Variants in HELT observed in about 807,000 individuals in gnomAD.
HELT encodes the protein hairy and enhancer of split-related protein HELT.
HELT carries 9 observed loss-of-function variants against 19.5 expected under a neutral mutation model. The ratio of observed to expected loss-of-function variants is 0.46; its 90% CI spans 0.28 to 0.80. HELT has a LOEUF of 0.80. HELT is among the 30% of genes least tolerant of loss of function. The pLI is 0.12. For synonymous variants in HELT, 162 were observed against 148.3 expected (o/e 1.09, Z -0.67); for missense variants, 366 against 326.3 (o/e 1.12, Z -0.94).
At chr4:185,019,288 T>C in intron 1 of HELT, 99 bp from the exon 2 acceptor site, 1 of 1,169,034 alleles carries the variant, frequency 8.6e-7, no homozygotes. Flanking sequence ...CTGAGCAGTG[T>C]GCGCGGCTGG....
At chr4:185,019,098 G>A (rs777896540) in intron 1 of HELT, 143 bp downstream of exon 1, 3 of 1,604,744 alleles carry the variant, frequency 1.9e-6, no homozygotes, top group South Asian at 1.1e-5. Flanking sequence ...GTTTGGGAAG[G>A]GGGTGGGGTA....
At position 185,019,738 on chromosome 4, in the gene HELT, C is replaced by T. The variant is rs773438896; in HGVS notation, c.133-9C>T. On this transcript the variant is annotated splice_polypyrimidine_tract_variant and intron_variant, in intron 2 of 3. Coordinates refer to ENST00000515777, the MANE Select transcript of HELT (RefSeq NM_001300781.2). Reference sequence around the variant, plus strand: ...GGGCCGCTGCGAGGGGCCCTTCCTCCTTTTGCAGAGTTCCGGGAAGCTGGA... The same window carrying T: ...GGGCCGCTGCGAGGGGCCCTTCCTCTTTTTGCAGAGTTCCGGGAAGCTGGA... 2 of 1,613,172 alleles carry T rather than the reference C, an allele frequency of 1.2e-6. No homozygotes were observed. The highest frequency in any genetic ancestry group is 1.7e-6 in the Non-Finnish European group (2 of 1,179,956).
intron 1 of HELT, 185 bp from the exon 2 acceptor site, chr4:185,019,202 C>T: frequency 1.5e-6 from 2 of 1,363,030 alleles, no homozygotes; most frequent in Non-Finnish European, 2.0e-6. Context: ...AAGGGGAGCG[C>T]GCCAGCGCGG....
In HELT at chr4:185,019,257, G is replaced by T. The variant is rs577193094; in HGVS notation, c.28-130G>T. ...ACCTGGCCCGAGCGTGGCGGGCCAG[G>T]AGTCCCTTCCTAGAGCGAATCTGAG... On this transcript the variant is annotated intron_variant, in intron 1 of 3. Coordinates refer to ENST00000515777, the MANE Select transcript of HELT (RefSeq NM_001300781.2). 5.6e-4 allele frequency: 631 copies of T among 1,121,176 alleles called. 1 individual carries two copies. Among genetic ancestry groups the T allele is most frequent in the Non-Finnish European group, 6.6e-4 (522 of 792,662 alleles). The allele number at this position is 1,121,176 out of a possible 1,614,324, so 69.5% of individuals were successfully genotyped here.
Position 185,020,637 on chromosome 4 carries a change from C to G in HELT, c.594C>G (p.Leu198=), listed in dbSNP as rs779419582. ...LPYLPSAPVP[L]ASPAQQHSPF... ...ACCTGCCCAGCGCGCCAGTGCCGCT[C>G]GCTAGCCCAGCGCAGCAGCACAGCC... is the stretch of plus-strand genomic sequence containing the variant. The change falls in exon 4 of 4, where the codon CTC becomes CTG. Residue 198 remains leucine, a synonymous_variant. Transcript: ENST00000515777. The G allele has an allele frequency of 3.7e-6, 6 of 1,603,540 alleles. No homozygotes were observed. The highest frequency in any genetic ancestry group is 1.3e-5 in the African/African-American group (1 of 74,860).
Position 185,020,848 on chromosome 4 carries a change from G to A in HELT, c.*76G>A. On this transcript the variant is annotated 3_prime_UTR_variant, in exon 4 of 4. Coordinates refer to ENST00000515777, the MANE Select transcript of HELT (RefSeq NM_001300781.2). ...ATGCTGTATATATTGTACACATAAT[G>A]TGTAAATATTGTACCCCAAAAATCT... 7.0e-7 allele frequency: 1 copy of A among 1,433,058 alleles called. No individual in the cohort carries two copies. The highest frequency in any genetic ancestry group is 9.1e-7 in the Non-Finnish European group (1 of 1,098,106). The allele number at this position is 1,433,058 out of a possible 1,614,324, so 88.8% of individuals were successfully genotyped here. A position where few individuals can be genotyped will look rare whatever the true frequency, so the allele number is the denominator to read the frequency against.
At position 185,020,562 on chromosome 4, in the gene HELT, C is replaced by A; in HGVS notation, c.519C>A (p.Ala173=). Residue 173 remains alanine, a synonymous_variant, in exon 4 of 4, where the codon GCC becomes GCA. Transcript: ENST00000515777. ...CTGTGTTCCCGCAGGGCTCTGGTGC[C>A]GGGCCTTTCCCCTGGCCGCCTGGCG... The part of the protein sequence containing the change: ...EAAVFPQGSG[A]GPFPWPPGAA... 2.5e-6 allele frequency: 4 copies of A among 1,600,862 alleles called. No individual in the cohort carries two copies. The highest frequency in any genetic ancestry group is 3.4e-6 in the Non-Finnish European group (4 of 1,177,430).
chr4:185,019,324 G>C (rs997705481), intron 1 of HELT, 63 bp from the exon 2 acceptor site: 27 of 1,398,136 alleles, frequency 1.9e-5, no homozygotes, highest in Non-Finnish European at 2.7e-5. Flanking sequence ...CCAGCTGCTA[G>C]AGCCGCGCCT....
intron 2 of HELT, 118 bp from the exon 3 acceptor site, chr4:185,019,629 A>G (rs1338939303): frequency 6.2e-7 from 1 of 1,600,556 alleles, no homozygotes. Context: ...CGCAGGGCGA[A>G]CCTCAGGAGG....
In HELT at chr4:185,020,547, G is replaced by T. The variant is rs1178670752; in HGVS notation, c.504G>T (p.Pro168=). The T allele has an allele frequency of 7.5e-6, 12 of 1,605,228 alleles. No individual in the cohort carries two copies. The highest frequency in any genetic ancestry group is 8.5e-6 in the Non-Finnish European group (10 of 1,178,956). ...GCCCGGGCGAGGCCGCTGTGTTCCC[G>T]CAGGGCTCTGGTGCCGGGCCTTTCC... The part of the protein sequence containing the change: ...GHSPGEAAVF[P]QGSGAGPFPW... Residue 168 remains proline (P), a synonymous_variant, in exon 4 of 4, where the codon CCG becomes CCT. Coordinates refer to ENST00000515777, the MANE Select transcript of HELT (RefSeq NM_001300781.2).
intron 3 of HELT, 48 bp from the exon 4 acceptor site, chr4:185,020,225 A>AG: frequency 6.3e-7 from 1 of 1,582,132 alleles, no homozygotes; most frequent in Non-Finnish European, 8.6e-7. Flanking sequence ...CGCGTGGGGA[A>AG]GGGGCACTCA....
At position 185,020,349 on chromosome 4, in the gene HELT, C is replaced by T; in HGVS notation, c.306C>T (p.Leu102=). ...GCATGAAGAACCTGGTGCATTACCT[C>T]ACCACGGTGGAGCGGATGGAGACCA... ...HECMKNLVHY[L]TTVERMETKD... Residue 102 remains leucine, a synonymous_variant, in exon 4 of 4, where the codon CTC becomes CTT. Transcript: ENST00000515777. The T allele has an allele frequency of 6.2e-7, 1 of 1,614,248 alleles. No homozygotes were observed. The highest frequency in any genetic ancestry group is 8.5e-7 in the Non-Finnish European group (1 of 1,180,050).
Position 185,020,763 on chromosome 4 carries a change from G to A in HELT, c.720G>A (p.Pro240=). ...ACCTGCACACGCCCCAGCACCCCCCGGTGCTCTGACGCCCACTCGCCCGCC... is the reference window on the plus strand; with the variant it reads ...ACCTGCACACGCCCCAGCACCCCCCAGTGCTCTGACGCCCACTCGCCCGCC... ...ALNLHTPQHP[P]VL The change falls in exon 4 of 4, where the codon CCG becomes CCA. Residue 240 remains proline (P), a synonymous_variant. Transcript: ENST00000515777. 1 of 1,526,048 alleles carries A rather than the reference G, an allele frequency of 6.6e-7. No individual in the cohort carries two copies. The allele number at this position is 1,526,048 out of a possible 1,614,324, so 94.5% of individuals were successfully genotyped here. A position where few individuals can be genotyped will look rare whatever the true frequency, so the allele number is the denominator to read the frequency against.
intron 3 of HELT, 30 bp downstream of exon 3, chr4:185,019,873 G>A (rs763166862): frequency 1.9e-6 from 3 of 1,590,902 alleles, no homozygotes; most frequent in South Asian, 1.1e-5. Context: ...TGGGACGCCT[G>A]GGCCAGGCGC....
In HELT at chr4:185,018,810, G is replaced by A. The variant is rs1466136067; in HGVS notation, c.-119G>A. 7.8e-6 allele frequency: 8 copies of A among 1,022,836 alleles called. No individual in the cohort carries two copies. The African/African-American group carries it at 9.7e-5, about 12-fold the overall frequency. The allele number at this position is 1,022,836 out of a possible 1,614,324, so 63.4% of individuals were successfully genotyped here. A position where few individuals can be genotyped will look rare whatever the true frequency, so the allele number is the denominator to read the frequency against. On this transcript the variant is annotated 5_prime_UTR_variant, in exon 1 of 4. Coordinates refer to ENST00000515777, the MANE Select transcript of HELT (RefSeq NM_001300781.2). ...GGAGCCCTAGATGACCGCTTTATAA[G>A]GCAGCCCTCGGAGTTGGGAGGCTGC... is the stretch of plus-strand genomic sequence containing the variant.
chr4:185,019,518 G>A (rs1380218144), intron 2 of HELT, 27 bp downstream of exon 2: 4 of 1,583,764 alleles, frequency 2.5e-6, no homozygotes, highest in Non-Finnish European at 3.4e-6. Context: ...GGAGCCGGGT[G>A]CCAGGCGTTG....
chr4:185,020,646 A>G lies in HELT; in HGVS notation c.603A>G (p.Pro201=). The part of the protein sequence containing the change: ...LPSAPVPLAS[P]AQQHSPFLTP... Reference sequence around the variant, plus strand: ...GCGCGCCAGTGCCGCTCGCTAGCCCAGCGCAGCAGCACAGCCCCTTCCTGA... The same window carrying G: ...GCGCGCCAGTGCCGCTCGCTAGCCCGGCGCAGCAGCACAGCCCCTTCCTGA... The change falls in exon 4 of 4, where the codon CCA becomes CCG. Residue 201 remains proline, a synonymous_variant. Coordinates refer to ENST00000515777, the MANE Select transcript of HELT (RefSeq NM_001300781.2). 9 of 1,604,048 alleles carry G rather than the reference A, an allele frequency of 5.6e-6. No homozygotes were observed. Among genetic ancestry groups the G allele is most frequent in the Non-Finnish European group, 7.6e-6 (9 of 1,179,248 alleles).
Position 185,020,576 on chromosome 4 carries a change from G to A in HELT, c.533G>A (p.Trp178Ter), listed in dbSNP as rs1438131532. 1 of 1,595,502 alleles carries A rather than the reference G, an allele frequency of 6.3e-7. No homozygotes were observed. Among genetic ancestry groups the A allele is most frequent in the Non-Finnish European group, 8.5e-7 (1 of 1,175,354 alleles). The change falls in exon 4 of 4, where the codon TGG becomes TAG. Residue 178 changes from tryptophan (W) to a stop codon, truncating the protein, a stop_gained. Transcript: ENST00000515777. LOFTEE classifies it high-confidence loss of function. The stretch of plus-strand genomic sequence containing the variant: ...GGCTCTGGTGCCGGGCCTTTCCCCT[G>A]GCCGCCTGGCGCGGCCCGCAGCCCC... ...PQGSGAGPFP[W>*]PPGAARSPAL...
At chr4:185,019,647 G>T (rs774140952) in intron 2 of HELT, 100 bp from the exon 3 acceptor site, 13 of 1,607,184 alleles carry the variant, frequency 8.1e-6, no homozygotes. Flanking sequence ...AGGCTCTGGC[G>T]CAGATCCGCA....
Sources: gnomAD v4.1 joint callset for allele counts on GRCh38, gnomAD v4.1.1 for gene constraint, MANE v1.5 for transcripts, NCBI Gene and HGNC (gene_info 2026-07-23, HGNC 2026-07-21) for gene names.